Variants in TRAF3IP1 observed in about 807,000 individuals in gnomAD.
TRAF3IP1 encodes TRAF3-interacting protein 1.
A neutral mutation model predicts 89.9 loss-of-function variants in TRAF3IP1; 53 were observed. The observed-to-expected ratio is 0.59, with a 90% CI of 0.47 to 0.74. The LOEUF (loss-of-function observed/expected upper bound fraction) is 0.74, where lower values mean the gene tolerates loss of function less well. TRAF3IP1 is among the 30% of genes least tolerant of loss of function. The pLI is 0.00. For synonymous variants in TRAF3IP1, 311 were observed against 322.1 expected (o/e 0.97, Z 0.37); for missense variants, 806 against 866.1 (o/e 0.93, Z 0.87).
rs896916187 is a variant in TRAF3IP1, at chr2:238,379,475, C to T, written c.1690-17984C>T. Reference sequence around the variant, plus strand: ...CCACAGACACCTGCTCGTGTGAAGGCGGCAGCGTGGTGCCATCACTTGGGT... The same window carrying T: ...CCACAGACACCTGCTCGTGTGAAGGTGGCAGCGTGGTGCCATCACTTGGGT... On this transcript the variant is annotated intron_variant, in intron 15 of 16. Transcript: ENST00000373327. The surrounding 1 kb of genome is among the most constrained non-coding windows in gnomAD (Gnocchi z 4.0). Among the ~76,000 whole-genome samples, 6 of 152,228 alleles carry T rather than the reference C, an allele frequency of 3.9e-5. No individual in the cohort carries two copies. Among genetic ancestry groups the T allele is most frequent in the East Asian group, 1.9e-4 (1 of 5,196 alleles).
chr2:238,331,434 G>A (rs1019573775), intron 5 of TRAF3IP1, among the ~76,000 whole-genome samples: 2 of 152,086 alleles, frequency 1.3e-5, no homozygotes, highest in Non-Finnish European at 2.9e-5. Context: ...CTGACATCAC[G>A]CCACTGCACT....
In TRAF3IP1 at chr2:238,341,545, T is replaced by A. The variant is rs545825677; in HGVS notation, c.1160-2952T>A. Among the ~76,000 whole-genome samples the A allele has an allele frequency of 7.6e-4, 111 of 146,214 alleles. 2 individuals carry two copies. Among genetic ancestry groups the A allele is most frequent in the African/African-American group, 2.7e-3 (100 of 37,432 alleles). The stretch of plus-strand genomic sequence containing the variant: ...TGTTTTTCTATTCTTTTTTTTTTTT[T>A]TAAAAAAAAAACACTGGCTATTTGA... On this transcript the variant is annotated intron_variant, in intron 8 of 16. Coordinates refer to ENST00000373327, the MANE Select transcript of TRAF3IP1 (RefSeq NM_015650.4).
chr2:238,363,702 C>A (rs1290510188), intron 15 of TRAF3IP1, among the ~76,000 whole-genome samples: 1 of 152,148 alleles, frequency 6.6e-6, no homozygotes, highest in Non-Finnish European at 1.5e-5. Context: ...TGGCTCACAC[C>A]TGTAATCCCA....
intron 3 of TRAF3IP1, 75 bp downstream of exon 3, chr2:238,326,045 T>C: frequency 2.7e-6 from 4 of 1,494,160 alleles, no homozygotes; most frequent in Non-Finnish European, 3.6e-6. Context: ...GGGACTCACA[T>C]GTGCGGGCGG....
chr2:238,369,384 G>A (rs1700012737), intron 15 of TRAF3IP1, among the ~76,000 whole-genome samples: 1 of 152,186 alleles, frequency 6.6e-6, no homozygotes, highest in Admixed American at 6.5e-5. Context: ...TCTTCCATGC[G>A]GGAGCTTTCT....
intron 15 of TRAF3IP1, among the ~76,000 whole-genome samples, chr2:238,378,727 G>T (rs1700423027): frequency 6.6e-6 from 1 of 152,150 alleles, no homozygotes; most frequent in Non-Finnish European, 1.5e-5. Flanking sequence ...GTTTAAGTCT[G>T]ATGGGTGATC....
intron 7 of TRAF3IP1, among the ~76,000 whole-genome samples, chr2:238,337,955 A>G (rs1198368719): frequency 6.6e-6 from 1 of 152,214 alleles, no homozygotes; most frequent in Non-Finnish European, 1.5e-5. Flanking sequence ...GAGTTCTAGC[A>G]TACAAGTGAT....
At chr2:238,396,384 TG>T (rs1163857268) in intron 15 of TRAF3IP1, among the ~76,000 whole-genome samples, 6 of 41,888 alleles carry the variant, frequency 1.4e-4, no homozygotes, top group African/African-American at 4.0e-4. Context: ...TGTTGTGGGG[TG>T]GGGGGAGGGG....
intron 15 of TRAF3IP1, among the ~76,000 whole-genome samples, chr2:238,388,959 A>C (rs1274692263): frequency 6.6e-6 from 1 of 152,228 alleles, no homozygotes; most frequent in Non-Finnish European, 1.5e-5. Context: ...GACAGGTTGC[A>C]TATAAATCAA....
chr2:238,350,322 CAG>C (rs569431894), intron 12 of TRAF3IP1, among the ~76,000 whole-genome samples: 20 of 152,152 alleles, frequency 1.3e-4, no homozygotes, highest in Admixed American at 3.3e-4. Context: ...CGACGTGGGA[CAG>C]GGGTTTGGTG....
At chr2:238,398,473 T>C (rs1701341165) in intron 16 of TRAF3IP1, among the ~76,000 whole-genome samples, 2 of 150,942 alleles carry the variant, frequency 1.3e-5, no homozygotes, top group South Asian at 2.1e-4. Flanking sequence ...CCAAAGTCAA[T>C]GGGGACTTTG....
chr2:238,388,289 C>G (rs1019025745), intron 15 of TRAF3IP1, among the ~76,000 whole-genome samples: 5 of 149,438 alleles, frequency 3.3e-5, no homozygotes, highest in African/African-American at 1.2e-4. Context: ...GCAGGAGAAT[C>G]ACTTGAACTG....
chr2:238,335,398 G>A (rs192301334), intron 7 of TRAF3IP1, among the ~76,000 whole-genome samples: 2 of 152,272 alleles, frequency 1.3e-5, no homozygotes, highest in African/African-American at 4.8e-5. Flanking sequence ...CTCCTGCTCT[G>A]TGAAGCCTTT....
chr2:238,326,689 G>T (rs1697851589), intron 3 of TRAF3IP1, among the ~76,000 whole-genome samples: 1 of 152,094 alleles, frequency 6.6e-6, no homozygotes, highest in Admixed American at 6.6e-5. Context: ...GACTTGTATT[G>T]AGAGTGTAAT....
At chr2:238,369,005 T>C (rs1699998891) in intron 15 of TRAF3IP1, among the ~76,000 whole-genome samples, 1 of 152,132 alleles carries the variant, frequency 6.6e-6, no homozygotes, top group Admixed American at 6.5e-5. Context: ...AAATACACTG[T>C]GTCTATACTC....
At chr2:238,361,139 C>T (rs1200204615) in intron 15 of TRAF3IP1, among the ~76,000 whole-genome samples, 1 of 151,574 alleles carries the variant, frequency 6.6e-6, no homozygotes, top group Non-Finnish European at 1.5e-5. Flanking sequence ...CTCTGCCTCC[C>T]AGGCTCAAGT....
chr2:238,395,664 A>G (rs961188231), intron 15 of TRAF3IP1, among the ~76,000 whole-genome samples: 1 of 152,146 alleles, frequency 6.6e-6, no homozygotes, highest in Non-Finnish European at 1.5e-5. Context: ...AGAATCTACA[A>G]TGAACTCAAA....
chr2:238,387,459 G>A (rs561734181), intron 15 of TRAF3IP1, among the ~76,000 whole-genome samples: 2 of 152,290 alleles, frequency 1.3e-5, no homozygotes, highest in African/African-American at 4.8e-5. Flanking sequence ...CTAGAAATAA[G>A]ATAGTGATTA....
intron 12 of TRAF3IP1, among the ~76,000 whole-genome samples, chr2:238,350,235 A>C (rs1699088321): frequency 6.6e-6 from 1 of 152,104 alleles, no homozygotes; most frequent in Non-Finnish European, 1.5e-5. Flanking sequence ...GAAAGTGGGA[A>C]AGGTGGTGTC....
Sources: allele counts gnomAD v4.1 joint callset (sites outside exome capture counted in the v4.1 genomes callset), GRCh38; gene constraint gnomAD v4.1.1; non-coding constraint Gnocchi (gnomAD v3.1); transcripts MANE v1.5; gene names NCBI Gene and HGNC (gene_info 2026-07-23, HGNC 2026-07-21).